TMEM74: variants seen among roughly 807,000 people sequenced by gnomAD.
The protein encoded by TMEM74 is transmembrane protein 74.
Under a neutral mutation model 18.1 loss-of-function variants are expected in TMEM74, and 13 were observed. The observed-to-expected ratio is 0.72, with a 90% CI of 0.47 to 1.14. The LOEUF is 1.14. Among genes scored for constraint, TMEM74 ranks in the 50% most tolerant of loss-of-function variants. TMEM74 has a pLI of 0.00. For synonymous variants in TMEM74, 159 were observed against 146.6 expected, an observed-to-expected ratio of 1.08 and a Z score of -0.61; for missense variants, 372 against 375.9, an observed-to-expected ratio of 0.99 and a Z score of 0.09.
At position 108,726,118 on chromosome 8, in the gene TMEM74, G is replaced by A. The variant is rs193045561; in HGVS notation, n.119+61358C>T. ...TCTTGTGGCTCAACTAGTGAGACCC[G>A]GGGTAAAATCCCTTTTCTGCTTAGT... is the stretch of plus-strand genomic sequence containing the variant. On this transcript the variant is annotated intron_variant and non_coding_transcript_variant, in intron 1 of 3. Coordinates refer to the TMEM74 transcript ENST00000518838. 3.7e-4 allele frequency among the ~76,000 whole-genome samples: 56 copies of A among 152,138 alleles called. 1 individual carries two copies. Among genetic ancestry groups the A allele is most frequent in the South Asian group, 2.1e-3 (10 of 4,822 alleles).
intron 1 of TMEM74, among the ~76,000 whole-genome samples, chr8:108,704,817 T>A (rs535638091): frequency 2.6e-5 from 4 of 152,288 alleles, no homozygotes; most frequent in Admixed American, 2.6e-4. Flanking sequence ...GTGTCTTACC[T>A]TCCAGGTGTC....
chr8:108,735,208 C>A (rs1813736183), intron 1 of TMEM74, among the ~76,000 whole-genome samples: 1 of 152,196 alleles, frequency 6.6e-6, no homozygotes, highest in Non-Finnish European at 1.5e-5. Context: ...TATGGAGAAA[C>A]AATTCACTTA....
chr8:108,680,284 C>T (rs1269028208), intron 1 of TMEM74, among the ~76,000 whole-genome samples: 5 of 151,990 alleles, frequency 3.3e-5, no homozygotes, highest in African/African-American at 4.8e-5. Flanking sequence ...ACTGGCAAAC[C>T]GAATCCAGCA....
At chr8:108,618,752 A>G (rs993056624) in intron 2 of TMEM74, among the ~76,000 whole-genome samples, 18 of 152,208 alleles carry the variant, frequency 1.2e-4, no homozygotes, top group African/African-American at 2.4e-4. Context: ...TATGTTTAGT[A>G]TGTTTTATTA....
At chr8:108,715,144 T>A (rs1002280012) in intron 1 of TMEM74, among the ~76,000 whole-genome samples, 1 of 152,212 alleles carries the variant, frequency 6.6e-6, no homozygotes, top group African/African-American at 2.4e-5. Flanking sequence ...TAAATATCAA[T>A]TTTTATGTTA....
chr8:108,755,829 T>G (rs1320438594), intron 1 of TMEM74, among the ~76,000 whole-genome samples: 1 of 152,070 alleles, frequency 6.6e-6, no homozygotes, highest in Non-Finnish European at 1.5e-5. Flanking sequence ...CAATGTAAAT[T>G]TATTGCCATA....
At chr8:108,741,470 T>C (rs1179979335) in intron 1 of TMEM74, among the ~76,000 whole-genome samples, 30 of 152,062 alleles carry the variant, frequency 2.0e-4, no homozygotes, top group Non-Finnish European at 1.5e-5. Context: ...GCTATAGAGG[T>C]TTATTTGGGA....
intron 2 of TMEM74, chr8:108,608,960 T>G (rs1434606868): frequency 6.6e-6 from 1 of 152,200 alleles, no homozygotes; most frequent in Non-Finnish European, 1.5e-5. Flanking sequence ...ATGAAAAATG[T>G]GTATGCTGCT....
At chr8:108,636,863 G>T (rs536303155) in intron 2 of TMEM74, among the ~76,000 whole-genome samples, 1 of 152,082 alleles carries the variant, frequency 6.6e-6, no homozygotes, top group East Asian at 1.9e-4. Flanking sequence ...CCAGGGAATG[G>T]GTTCACCCCT....
chr8:108,695,238 C>CACATGAGGAAAAAAAGGTGGATGTGGG (rs1813269178), intron 1 of TMEM74, among the ~76,000 whole-genome samples: 1 of 151,998 alleles, frequency 6.6e-6, no homozygotes, highest in African/African-American at 2.4e-5. Context: ...TTGAACTGAT[C>CACATGAGGAAAAAAAGGTGGATGTGGG]ACATGAGGAA....
At chr8:108,718,974 A>ATATATACGTATATATACG (rs11281406) in intron 1 of TMEM74, among the ~76,000 whole-genome samples, 10 of 149,216 alleles carry the variant, frequency 6.7e-5, no homozygotes, top group Non-Finnish European at 1.2e-4. Flanking sequence ...GTGTGTGTAT[A>ATATATACGTATATATACG]TATATATACG....
intron 1 of TMEM74, among the ~76,000 whole-genome samples, chr8:108,768,584 GT>G (rs1447799471): frequency 6.6e-6 from 1 of 152,084 alleles, no homozygotes; most frequent in African/African-American, 2.4e-5. Flanking sequence ...TGTAACCCAA[GT>G]GTTGTAGACT....
chr8:108,635,698 C>T (rs1812600488), intron 2 of TMEM74, among the ~76,000 whole-genome samples: 1 of 152,042 alleles, frequency 6.6e-6, no homozygotes, highest in Non-Finnish European at 1.5e-5. Context: ...AAAATCTCAG[C>T]TTACGTCCCT....
chr8:108,628,005 CTG>C (rs1289904507), intron 2 of TMEM74, among the ~76,000 whole-genome samples: 1 of 152,040 alleles, frequency 6.6e-6, no homozygotes, highest in African/African-American at 2.4e-5. Context: ...TTGCAATTAA[CTG>C]AAGTGGTGCC....
intron 1 of TMEM74, among the ~76,000 whole-genome samples, chr8:108,714,383 G>C (rs1813502854): frequency 6.6e-6 from 1 of 152,132 alleles, no homozygotes; most frequent in South Asian, 2.1e-4. Flanking sequence ...AAAATACTAG[G>C]ATAGTTAGAT....
At position 108,761,808 on chromosome 8, in the gene TMEM74, T is replaced by C. The variant is rs145376720; in HGVS notation, n.119+25668A>G. Among the ~76,000 whole-genome samples the C allele has an allele frequency of 3.9e-5, 6 of 152,300 alleles. No homozygotes were observed. The East Asian group carries it at 1.2e-3, about 29-fold the overall frequency. On this transcript the variant is annotated intron_variant and non_coding_transcript_variant, in intron 1 of 3. Transcript: ENST00000518838. ...CTAGGCAATTCCCTTATGAAATATATTTCAAGGGTTTATTACAAAAAATAT... is the reference window on the plus strand; with the variant it reads ...CTAGGCAATTCCCTTATGAAATATACTTCAAGGGTTTATTACAAAAAATAT...
At chr8:108,673,412 A>G (rs144945690) in intron 1 of TMEM74, among the ~76,000 whole-genome samples, 1 of 152,162 alleles carries the variant, frequency 6.6e-6, no homozygotes, top group Admixed American at 6.5e-5. Context: ...AGCAGTCTAC[A>G]TTGGAAGCAT....
rs1464282121 is a variant in TMEM74, at chr8:108,756,768, G to A, written n.119+30708C>T. 2.9e-5 allele frequency among the ~76,000 whole-genome samples: 3 copies of A among 104,090 alleles called. No individual in the cohort carries two copies. In the East Asian group the frequency reaches 1.2e-3, roughly 43 times the overall value. 68.3% of individuals were successfully genotyped at this position (104,090 alleles called of 152,430 possible). A position where few individuals can be genotyped will look rare whatever the true frequency, so the allele number is the denominator to read the frequency against. ...AGAAGGGAGGGAGGGAGGGAGGGAG[G>A]GGAGGGGAGGGCAGGAGGGGAGGGA... On this transcript the variant is annotated intron_variant and non_coding_transcript_variant, in intron 1 of 3. Coordinates refer to the TMEM74 transcript ENST00000518838.
intron 2 of TMEM74, among the ~76,000 whole-genome samples, chr8:108,635,772 ATTTCTGTTGGTCTCTCTC>A (rs1812601544): frequency 6.6e-6 from 1 of 151,748 alleles, no homozygotes; most frequent in Non-Finnish European, 1.5e-5. Flanking sequence ...ACTACTTTGG[ATTTCTGTTGGTCTCTCTC>A]TTCTGATTGA....
Sources: allele counts gnomAD v4.1 joint callset (sites outside exome capture counted in the v4.1 genomes callset), GRCh38; gene constraint gnomAD v4.1.1; transcripts MANE v1.5; gene names NCBI Gene and HGNC (gene_info 2026-07-23, HGNC 2026-07-21).